Variants in FOLR1 observed in about 807,000 individuals in gnomAD.
FOLR1 encodes folate receptor alpha, also known as KB cells FBP.
A neutral mutation model predicts 22.8 loss-of-function variants in FOLR1; 11 were observed. The observed-to-expected ratio is 0.48, with a 90% CI of 0.30 to 0.80. The LOEUF (loss-of-function observed/expected upper bound fraction) is 0.80, where lower values mean the gene tolerates loss of function less well. FOLR1 is among the 30% of genes least tolerant of loss of function. FOLR1 has a pLI of 0.06. For missense variants in FOLR1, 273 were observed against 320.3 expected, an observed-to-expected ratio of 0.85 and a Z score of 1.13; for synonymous variants, 108 against 116.5, an observed-to-expected ratio of 0.93 and a Z score of 0.47.
At chr11:72,192,882 C>T (rs1158860634) in intron 1 of FOLR1, among the ~76,000 whole-genome samples, 3 of 152,058 alleles carry the variant, frequency 2.0e-5, no homozygotes, top group East Asian at 3.9e-4. Flanking sequence ...AGAAATGAGC[C>T]GTACGCCCTC....
intron 1 of FOLR1, 86 bp from the exon 2 acceptor site, chr11:72,195,185 T>G (rs991427115): frequency 1.5e-6 from 2 of 1,311,532 alleles, no homozygotes; most frequent in Non-Finnish European, 2.2e-6. Context: ...AATCAAGGAC[T>G]AAGAGGGGAG....
At position 72,195,163 on chromosome 11, in the gene FOLR1, A is replaced by G. The variant is rs891657553; in HGVS notation, c.169-108A>G. 2.7e-6 allele frequency: 3 copies of G among 1,124,326 alleles called. No individual in the cohort carries two copies. The African/African-American group carries it at 4.6e-5, about 17-fold the overall frequency. 69.6% of individuals were successfully genotyped at this position (1,124,326 alleles called of 1,614,324 possible). On this transcript the variant is annotated intron_variant, in intron 1 of 3. Transcript: ENST00000393676. ...GCAAGTATTTTCCTGGGTGACTTCC[A>G]GTGGGCTGGGGAATCAAGGACTAAG...
chr11:72,196,209 C>T lies in FOLR1; in HGVS notation c.*32C>T. Reference sequence around the variant, plus strand: ...TTTACCTTCTGATACCTGGAAATCCCTGCCCTGTTCAGCCCCACAGCTCCC... The same window carrying T: ...TTTACCTTCTGATACCTGGAAATCCTTGCCCTGTTCAGCCCCACAGCTCCC... On this transcript the variant is annotated 3_prime_UTR_variant, in exon 4 of 4. Transcript: ENST00000393676. 6.2e-7 allele frequency: 1 copy of T among 1,613,368 alleles called. No homozygotes were observed. The highest frequency in any genetic ancestry group is 1.3e-5 in the African/African-American group (1 of 75,032).
At chr11:72,192,112 T>C (rs188649911), upstream of FOLR1, 391 of 1,600,158 alleles carry the variant, frequency 2.4e-4, no homozygotes, top group African/African-American at 4.8e-3. Context: ...TGCACACAAC[T>C]TAAGGCCCCA....
At position 72,194,519 on chromosome 11, in the gene FOLR1, C is replaced by T. The variant is rs187258631; in HGVS notation, c.169-752C>T. Among the ~76,000 whole-genome samples, 419 of 152,308 alleles carry T rather than the reference C, an allele frequency of 2.8e-3. 2 individuals are homozygous for T. Among genetic ancestry groups the T allele is most frequent in the Middle Eastern group, 0.017 (5 of 294 alleles). ...GGTTCACACCATTCTCCTGCCTCAGCCTCCCAAGTAGCTGGGACTACAGGT... is the reference window on the plus strand; with the variant it reads ...GGTTCACACCATTCTCCTGCCTCAGTCTCCCAAGTAGCTGGGACTACAGGT... On this transcript the variant is annotated intron_variant, in intron 1 of 3. Transcript: ENST00000393676.
At position 72,192,353 on chromosome 11, in the gene FOLR1, G is replaced by A. The variant is rs1206058731; in HGVS notation, c.168+12G>A. The stretch of plus-strand genomic sequence containing the variant: ...AGTTGCATGAGCAGGTGGGCCAGGG[G>A]GTGATCTGGGGTGGTGAGGGACTGG... On this transcript the variant is annotated intron_variant, in intron 1 of 3. Coordinates refer to ENST00000393676, the MANE Select transcript of FOLR1 (RefSeq NM_016729.3). 3 of 1,613,702 alleles carry A rather than the reference G, an allele frequency of 1.9e-6. No homozygotes were observed. The highest frequency in any genetic ancestry group is 8.5e-7 in the Non-Finnish European group (1 of 1,179,972).
rs773012171 is a variant in FOLR1, at chr11:72,196,100, A to G, written c.697A>G (p.Met233Val). Residue 233 changes from methionine (M) to valine (V), a missense_variant, in exon 4 of 4, where the codon ATG (methionine) becomes GTG (valine). Physicochemically the swap from Met to Val is conservative, Grantham distance 21. Coordinates refer to ENST00000393676, the MANE Select transcript of FOLR1 (RefSeq NM_016729.3). ...EEVARFYAAAMSGAGPWAAWP... is the reference protein window; with the variant it reads ...EEVARFYAAAVSGAGPWAAWP... ...GGTGGCGAGGTTCTATGCTGCAGCC[A>G]TGAGTGGGGCTGGGCCCTGGGCAGC... 2 of 1,614,178 alleles carry G rather than the reference A, an allele frequency of 1.2e-6. No homozygotes were observed. The highest frequency in any genetic ancestry group is 1.1e-5 in the South Asian group (1 of 91,082).
chr11:72,192,190 C>T lies in FOLR1; in HGVS notation c.17C>T (p.Thr6Ile), dbSNP rs1159477597. 21 of 1,614,186 alleles carry T rather than the reference C, an allele frequency of 1.3e-5. No homozygotes were observed. The highest frequency in any genetic ancestry group is 1.6e-5 in the Non-Finnish European group (19 of 1,180,030). Residue 6 changes from threonine (T) to isoleucine (I), a missense_variant, in exon 1 of 4, where the codon ACA (threonine) becomes ATA (isoleucine). Transcript: ENST00000393676. The stretch of plus-strand genomic sequence containing the variant: ...GGGACAGACATGGCTCAGCGGATGA[C>T]AACACAGCTGCTGCTCCTTCTAGTG... MAQRM[T>I]TQLLLLLVWV...
intron 1 of FOLR1, 148 bp from the exon 2 acceptor site, chr11:72,195,123 A>G (rs933120416): frequency 3.7e-6 from 3 of 803,790 alleles, no homozygotes; most frequent in African/African-American, 1.7e-5. Flanking sequence ...CCTCTCCCCT[A>G]AAGAGGTCCC....
chr11:72,194,080 G>A (rs1048973947), intron 1 of FOLR1, among the ~76,000 whole-genome samples: 1 of 152,078 alleles, frequency 6.6e-6, no homozygotes, highest in African/African-American at 2.4e-5. Context: ...GAGCCACTGT[G>A]CCGGCCCACA....
At position 72,192,285 on chromosome 11, in the gene FOLR1, A is replaced by C. The variant is rs1483857647; in HGVS notation, c.112A>C (p.Met38Leu). 6.2e-6 allele frequency: 10 copies of C among 1,614,170 alleles called. No homozygotes were observed. Among genetic ancestry groups the C allele is most frequent in the African/African-American group, 1.3e-5 (1 of 75,036 alleles). The stretch of plus-strand genomic sequence containing the variant: ...CAGGACTGAGCTTCTCAATGTCTGC[A>C]TGAACGCCAAGCACCACAAGGAAAA... ...WARTELLNVC[M>L]NAKHHKEKPG... The change falls in exon 1 of 4, where the codon ATG becomes CTG. Residue 38 changes from methionine to leucine, a missense_variant. Met to Leu is a conservative substitution (Grantham distance 15). Coordinates refer to ENST00000393676, the MANE Select transcript of FOLR1 (RefSeq NM_016729.3).
At chr11:72,195,515 C>A in intron 2 of FOLR1, 56 bp downstream of exon 2, 1 of 1,612,118 alleles carries the variant, frequency 6.2e-7, no homozygotes, top group Non-Finnish European at 8.5e-7. Flanking sequence ...GCTTTCCAGG[C>A]ATCTCTGCAG....
At chr11:72,195,203 A>G in intron 1 of FOLR1, 68 bp from the exon 2 acceptor site, 4 of 1,428,398 alleles carry the variant, frequency 2.8e-6, no homozygotes, top group Middle Eastern at 2.1e-4. Context: ...GAGACACTGC[A>G]TGTGGAATAT....
At chr11:72,192,860 G>T (rs1362080632) in intron 1 of FOLR1, among the ~76,000 whole-genome samples, 1 of 151,892 alleles carries the variant, frequency 6.6e-6, no homozygotes, top group Non-Finnish European at 1.5e-5. Flanking sequence ...GCCTCCCAAA[G>T]TGTGGGATTA....
At chr11:72,192,092 C>T, upstream of FOLR1, 3 of 1,524,616 alleles carry the variant, frequency 2.0e-6, no homozygotes, top group East Asian at 6.8e-5. Flanking sequence ...GCCCCACCCT[C>T]CTGGAGCCCT....
At chr11:72,189,755 C>T (rs1948132951), upstream of FOLR1, 1 of 152,588 alleles carries the variant, frequency 6.6e-6, no homozygotes, top group South Asian at 2.1e-4. Flanking sequence ...CACCTCCTCT[C>T]CCAGGTATGT....
chr11:72,194,493 G>A (rs904744261), intron 1 of FOLR1, among the ~76,000 whole-genome samples: 11 of 152,000 alleles, frequency 7.2e-5, no homozygotes, highest in African/African-American at 2.2e-4. Flanking sequence ...TCCACCTGCC[G>A]GGTTCACACC....
intron 1 of FOLR1, among the ~76,000 whole-genome samples, chr11:72,194,013 C>A (rs182966547): frequency 6.6e-6 from 1 of 151,904 alleles, no homozygotes; most frequent in Non-Finnish European, 1.5e-5. Context: ...CCATTCTTGA[C>A]CTTAAGTGAT....
At position 72,196,135 on chromosome 11, in the gene FOLR1, C is replaced by T. The variant is rs763010485; in HGVS notation, c.732C>T (p.Phe244=). Residue 244 remains phenylalanine (F), a synonymous_variant, in exon 4 of 4, where the codon TTC becomes TTT. Coordinates refer to ENST00000393676, the MANE Select transcript of FOLR1 (RefSeq NM_016729.3). The part of the protein sequence containing the change: ...SGAGPWAAWP[F]LLSLALMLLW... ...CTGGGCCCTGGGCAGCCTGGCCTTTCCTGCTTAGCCTGGCCCTAATGCTGC... is the reference window on the plus strand; with the variant it reads ...CTGGGCCCTGGGCAGCCTGGCCTTTTCTGCTTAGCCTGGCCCTAATGCTGC... 1.2e-6 allele frequency: 2 copies of T among 1,614,168 alleles called. No individual in the cohort carries two copies. The highest frequency in any genetic ancestry group is 2.2e-5 in the South Asian group (2 of 91,082).
Sources: gnomAD v4.1 joint callset for allele counts (sites outside exome capture counted in the v4.1 genomes callset) on GRCh38, gnomAD v4.1.1 for gene constraint, MANE v1.5 for transcripts, NCBI Gene and HGNC (gene_info 2026-07-23, HGNC 2026-07-21) for gene names.